The following TLK1 variants were observed in gnomAD, a reference collection of about 807,000 sequenced individuals.
TLK1 encodes tousled like kinase 1.
A neutral mutation model predicts 105.3 loss-of-function variants in TLK1; 24 were observed. The ratio of observed to expected loss-of-function variants is 0.23; its 90% CI spans 0.17 to 0.32. The LOEUF (loss-of-function observed/expected upper bound fraction) is 0.32, where lower values mean the gene tolerates loss of function less well. Among genes scored for constraint, TLK1 ranks in the 10% least tolerant of loss-of-function variants. The pLI is 1.00. For missense variants in TLK1, 558 were observed against 910.5 expected (o/e 0.61, Z 4.98); for synonymous variants, 321 against 310.4 (o/e 1.03, Z -0.36).
At chr2:171,082,028 A>AATAC (rs1688776675) in intron 3 of TLK1, among the ~76,000 whole-genome samples, 1 of 118,874 alleles carries the variant, frequency 8.4e-6, no homozygotes, top group African/African-American at 3.9e-5. Flanking sequence ...TGACGGGAAA[A>AATAC]ATACACACAC....
chr2:171,033,204 TCAAAACAAAA>T (rs369758345), intron 11 of TLK1, among the ~76,000 whole-genome samples: 13 of 151,938 alleles, frequency 8.6e-5, no homozygotes, highest in Middle Eastern at 3.4e-3. Flanking sequence ...AGACCCTGTC[TCAAAACAAAA>T]CAAAACAAAA....
intron 12 of TLK1, 37 bp from the exon 13 acceptor site, chr2:171,014,985 T>C (rs184516716): frequency 2.7e-5 from 39 of 1,436,898 alleles, no homozygotes; most frequent in Middle Eastern, 1.8e-4. Context: ...CAAGCTCAAT[T>C]TATTTGCGAT....
At position 170,991,613 on chromosome 2, in the gene TLK1, C is replaced by T. The variant is rs1683787682; in HGVS notation, c.*2167G>A. The T allele has an allele frequency of 6.6e-6, 1 of 152,168 alleles. No homozygotes were observed. Among genetic ancestry groups the T allele is most frequent in the Non-Finnish European group, 1.5e-5 (1 of 68,032 alleles). The allele number at this position is 152,168 out of a possible 1,614,324, so 9.4% of individuals were successfully genotyped here. ...TTTTCCCCTTTTCTGCGTTCTGCCA[C>T]TAGCAGTCGCTCTCATTCATTTGAA... On this transcript the variant is annotated 3_prime_UTR_variant, in exon 21 of 21. Coordinates refer to ENST00000431350, the MANE Select transcript of TLK1 (RefSeq NM_012290.5).
chr2:170,996,458 T>C (rs954329234), intron 20 of TLK1, among the ~76,000 whole-genome samples, 195 bp downstream of exon 20: 1 of 152,168 alleles, frequency 6.6e-6, no homozygotes, highest in Non-Finnish European at 1.5e-5. Context: ...AGACCATAGC[T>C]TAAAAGATAA....
At position 171,175,826 on chromosome 2, in the gene TLK1, C is replaced by T. The variant is rs143456863; in HGVS notation, c.-6+55319G>A. 2.0e-5 allele frequency among the ~76,000 whole-genome samples: 3 copies of T among 152,304 alleles called. No homozygotes were observed. In the East Asian group the frequency reaches 5.8e-4, roughly 29 times the overall value. ...ACCCTGGTTCTCAACCTTGACTGCA[C>T]ATTAGAATCACCTGAGAAACTTTTT... On this transcript the variant is annotated intron_variant, in intron 1 of 20. Coordinates refer to the TLK1 transcript ENST00000521943.
At chr2:171,073,526 A>T (rs765614966) in intron 3 of TLK1, among the ~76,000 whole-genome samples, 1 of 152,124 alleles carries the variant, frequency 6.6e-6, no homozygotes, top group Non-Finnish European at 1.5e-5. Context: ...ATATTCTTCT[A>T]CCTTTATGGA....
rs538432391 is a variant in TLK1, at chr2:171,009,823, A to G, written c.1416+1550T>C. Among the ~76,000 whole-genome samples, 4 of 152,334 alleles carry G rather than the reference A, an allele frequency of 2.6e-5. No homozygotes were observed. The East Asian group carries it at 7.7e-4, about 29-fold the overall frequency. On this transcript the variant is annotated intron_variant, in intron 14 of 20. Coordinates refer to ENST00000431350, the MANE Select transcript of TLK1 (RefSeq NM_012290.5). Reference sequence around the variant, plus strand: ...TTTAAACCTAGCTGTCTGGCTTCAGAACCAAAGCTTTTAACCAACTATGCC... The same window carrying G: ...TTTAAACCTAGCTGTCTGGCTTCAGGACCAAAGCTTTTAACCAACTATGCC...
At chr2:171,171,545 G>A (rs190923491) in intron 1 of TLK1, among the ~76,000 whole-genome samples, 14 of 150,158 alleles carry the variant, frequency 9.3e-5, no homozygotes, top group Admixed American at 4.6e-4. Context: ...AACACAGAGC[G>A]GAAAAAGATA....
chr2:171,046,918 G>C (rs894076821), intron 10 of TLK1, among the ~76,000 whole-genome samples: 7 of 152,126 alleles, frequency 4.6e-5, no homozygotes, highest in African/African-American at 1.4e-4. Context: ...AATGTGAAGA[G>C]AGTTATTTTC....
chr2:171,143,613 C>A (rs1419033462), intron 1 of TLK1, among the ~76,000 whole-genome samples: 2 of 140,772 alleles, frequency 1.4e-5, no homozygotes, highest in Non-Finnish European at 3.0e-5. Context: ...CTATATATTG[C>A]AAGAATTAAT....
intron 1 of TLK1, among the ~76,000 whole-genome samples, chr2:171,170,391 T>C (rs1285001444): frequency 6.6e-6 from 1 of 152,204 alleles, no homozygotes; most frequent in Non-Finnish European, 1.5e-5. Flanking sequence ...TAGCTAACTA[T>C]GGGAGTGTTG....
intron 12 of TLK1, among the ~76,000 whole-genome samples, chr2:171,021,559 T>G (rs988056306): frequency 6.6e-6 from 1 of 151,156 alleles, no homozygotes; most frequent in Non-Finnish European, 1.5e-5. Flanking sequence ...TGAGTCACCA[T>G]GCCTGGCCTC....
rs1255414617 is a variant in TLK1 at position 171,006,991 on chromosome 2, T to C, written c.1489A>G (p.Lys497Glu). Residue 497 changes from lysine (K) to glutamate (E), a missense_variant, in exon 15 of 21, where the codon AAG (lysine) becomes GAG (glutamate). Around this residue, in one of 5 missense-constraint regions of TLK1, gnomAD observed 218 missense variants for 492.9 expected, o/e 0.44. Coordinates refer to ENST00000431350, the MANE Select transcript of TLK1 (RefSeq NM_012290.5). The part of the protein sequence containing the change: ...HQLNKSWRDE[K>E]KENYHKHACR... ...ATTTACTTGTGGTAGTTTTCTTTCT[T>C]CTCATCTCTCCAGCTTTTATTAAGC... is the stretch of plus-strand genomic sequence containing the variant. 1 of 1,609,940 alleles carries C rather than the reference T, an allele frequency of 6.2e-7. No individual in the cohort carries two copies. The highest frequency in any genetic ancestry group is 1.3e-5 in the African/African-American group (1 of 74,660).
chr2:171,202,916 T>A (rs1693431206), intron 1 of TLK1, among the ~76,000 whole-genome samples: 1 of 152,178 alleles, frequency 6.6e-6, no homozygotes, highest in African/African-American at 2.4e-5. Flanking sequence ...TTTGAAAATT[T>A]CCATTTCTGT....
intron 3 of TLK1, among the ~76,000 whole-genome samples, chr2:171,073,160 C>G (rs1363612191): frequency 6.6e-6 from 1 of 152,026 alleles, no homozygotes; most frequent in Non-Finnish European, 1.5e-5. Flanking sequence ...AATCTGCAAA[C>G]AAGGATAATT....
At chr2:171,216,560 C>T (rs1014916322) in intron 1 of TLK1, among the ~76,000 whole-genome samples, 4 of 152,182 alleles carry the variant, frequency 2.6e-5, no homozygotes, top group African/African-American at 9.7e-5. Flanking sequence ...TTTGACTTGT[C>T]TATTTGACAA....
intron 3 of TLK1, among the ~76,000 whole-genome samples, chr2:171,072,769 A>C (rs534795900): frequency 1.0e-3 from 154 of 151,764 alleles, no homozygotes; most frequent in African/African-American, 3.5e-3. Flanking sequence ...ACTCCATCTC[A>C]AAGAAAAAAA....
chr2:171,199,781 GT>G (rs1308889060), intron 1 of TLK1, among the ~76,000 whole-genome samples: 3 of 152,148 alleles, frequency 2.0e-5, no homozygotes, highest in African/African-American at 7.2e-5. Flanking sequence ...TTACTGAAAG[GT>G]TTCTGCAAAG....
At chr2:171,150,635 C>A (rs1016034369) in intron 1 of TLK1, among the ~76,000 whole-genome samples, 3 of 152,202 alleles carry the variant, frequency 2.0e-5, no homozygotes, top group Non-Finnish European at 4.4e-5. Flanking sequence ...GAGAAGCTGT[C>A]TTTCAAGTGT....
Sources: gnomAD v4.1 joint callset for allele counts (sites outside exome capture counted in the v4.1 genomes callset) on GRCh38, gnomAD v4.1.1 for gene constraint, gnomAD v4.1.1 regional missense constraint, MANE v1.5 for transcripts, NCBI Gene and HGNC (gene_info 2026-07-23, HGNC 2026-07-21) for gene names.